Variants in DSCAM observed in about 807,000 individuals in gnomAD.
DSCAM encodes DS cell adhesion molecule.
DSCAM carries 47 observed loss-of-function variants against 217.7 expected under a neutral mutation model. The observed-to-expected ratio is 0.22, with a 90% CI of 0.17 to 0.28. The LOEUF (loss-of-function observed/expected upper bound fraction) is 0.28, where lower values mean the gene tolerates loss of function less well. Ranked by LOEUF, DSCAM falls within the 10% of genes least tolerant of loss-of-function variation. DSCAM has a pLI of 1.00. For synonymous variants in DSCAM, 1,056 were observed against 1,015.3 expected (o/e 1.04, Z -0.76); for missense variants, 2,080 against 2,618.3 (o/e 0.79, Z 4.49).
intron 8 of DSCAM, among the ~76,000 whole-genome samples, chr21:40,328,953 C>G (rs544205187): frequency 6.9e-4 from 104 of 151,820 alleles, no homozygotes; most frequent in African/African-American, 2.4e-3. Flanking sequence ...AAACTAAAAC[C>G]AAAATGAGGT....
At chr21:40,476,740 G>A (rs958863929) in intron 3 of DSCAM, among the ~76,000 whole-genome samples, 1 of 152,048 alleles carries the variant, frequency 6.6e-6, no homozygotes, top group Non-Finnish European at 1.5e-5. Context: ...TTGATGGGAA[G>A]GGCTCAAAAA....
rs576991915 is a variant in DSCAM at position 40,236,648 on chromosome 21, C to T, written c.2356+39449G>A. The stretch of plus-strand genomic sequence containing the variant: ...TCATAGAAGCCTGGGGTCAACTGAG[C>T]CCTAGGCATTAGTTCCCTCATCTTT... On this transcript the variant is annotated intron_variant, in intron 11 of 32. Coordinates refer to ENST00000400454, the MANE Select transcript of DSCAM (RefSeq NM_001389.5). 4.6e-4 allele frequency among the ~76,000 whole-genome samples: 70 copies of T among 152,178 alleles called. 1 individual carries two copies. Among genetic ancestry groups the T allele is most frequent in the African/African-American group, 1.7e-3 (69 of 41,508 alleles).
rs4818144 is a variant in DSCAM, at chr21:40,586,702, C to T, written c.508+106108G>A. ...TGCTGTATATATTTCCAAGAAGGTGCGAGAGGTGTGGACAAAGATCCATGC... is the reference window on the plus strand; with the variant it reads ...TGCTGTATATATTTCCAAGAAGGTGTGAGAGGTGTGGACAAAGATCCATGC... On this transcript the variant is annotated intron_variant, in intron 3 of 32. Coordinates refer to ENST00000400454, the MANE Select transcript of DSCAM (RefSeq NM_001389.5). Among the ~76,000 whole-genome samples the T allele has an allele frequency of 4.0e-3, 608 of 152,024 alleles. 11 individuals are homozygous for T. The South Asian group carries it at 0.041, about 10-fold the overall frequency.
chr21:40,037,060 A>G (rs975382495), intron 32 of DSCAM, among the ~76,000 whole-genome samples: 1 of 150,326 alleles, frequency 6.7e-6, no homozygotes, highest in Non-Finnish European at 1.5e-5. Context: ...AGCCAATATC[A>G]TACTGAATGG....
At chr21:40,825,257 TTTTC>T (rs958141013) in intron 1 of DSCAM, among the ~76,000 whole-genome samples, 3 of 140,740 alleles carry the variant, frequency 2.1e-5, no homozygotes, top group East Asian at 2.4e-4. Context: ...TCAGTGAACA[TTTTC>T]TTTCTTTCCT....
intron 1 of DSCAM, among the ~76,000 whole-genome samples, chr21:40,760,255 A>T (rs2091319551): frequency 6.6e-6 from 1 of 152,044 alleles, no homozygotes; most frequent in Non-Finnish European, 1.5e-5. Flanking sequence ...TGACCTCATG[A>T]TCTGCCCACC....
At chr21:40,326,879 G>A (rs1021024338) in intron 8 of DSCAM, among the ~76,000 whole-genome samples, 8 of 150,564 alleles carry the variant, frequency 5.3e-5, no homozygotes, top group Non-Finnish European at 7.4e-5. Context: ...CTATATATCT[G>A]TAACCACATA....
chr21:40,738,696 G>C (rs1569011423), intron 1 of DSCAM, among the ~76,000 whole-genome samples: 1 of 152,214 alleles, frequency 6.6e-6, no homozygotes, highest in Non-Finnish European at 1.5e-5. Context: ...AGTAGGTCAG[G>C]AATGGGCCCC....
chr21:40,386,828 A>G (rs2075090564), intron 3 of DSCAM, among the ~76,000 whole-genome samples: 1 of 152,054 alleles, frequency 6.6e-6, no homozygotes, highest in Admixed American at 6.6e-5. Flanking sequence ...TTTTAATTTC[A>G]TTTTTGCTTT....
intron 3 of DSCAM, among the ~76,000 whole-genome samples, chr21:40,371,723 T>C (rs1208069365): frequency 6.6e-6 from 1 of 152,196 alleles, no homozygotes; most frequent in Non-Finnish European, 1.5e-5. Flanking sequence ...GAACCTTTGA[T>C]TGTCTTAAGC....
Position 40,013,208 on chromosome 21 carries a change from G to C in DSCAM, c.5865C>G (p.Ser1955=), listed in dbSNP as rs1398199042. ...PIPMEAASSA[S]STREGQSWQP... is the part of the protein sequence containing the mutation. ...GCCACGACTGTCCTTCTCTCGTGGA[G>C]GAGGCGGAGGAGGCGGCTTCCATCG... The change falls in exon 33 of 33, where the codon TCC becomes TCG. Residue 1955 remains serine (S), a synonymous_variant. Coordinates refer to ENST00000400454, the MANE Select transcript of DSCAM (RefSeq NM_001389.5). 6 of 1,613,468 alleles carry C rather than the reference G, an allele frequency of 3.7e-6. No individual in the cohort carries two copies. Among genetic ancestry groups the C allele is most frequent in the Non-Finnish European group, 4.2e-6 (5 of 1,179,788 alleles).
At chr21:40,620,296 G>A (rs866086800) in intron 3 of DSCAM, among the ~76,000 whole-genome samples, 12 of 41,716 alleles carry the variant, frequency 2.9e-4, no homozygotes, top group African/African-American at 6.8e-4. Flanking sequence ...AGAGAAAAAA[G>A]AAAAAGAAAG....
intron 3 of DSCAM, among the ~76,000 whole-genome samples, chr21:40,672,269 G>A (rs1310709815): frequency 2.0e-5 from 3 of 151,910 alleles, no homozygotes; most frequent in African/African-American, 7.3e-5. Context: ...TGCTCTTGGT[G>A]GTCTTTAGTT....
chr21:40,475,244 CT>C (rs1349506107), intron 3 of DSCAM, among the ~76,000 whole-genome samples: 1 of 152,234 alleles, frequency 6.6e-6, no homozygotes, highest in African/African-American at 2.4e-5. Flanking sequence ...CCTTCAAAAT[CT>C]GCTTTTATTT....
Position 40,062,909 on chromosome 21 carries a change from G to A in DSCAM, c.4889-10C>T, listed in dbSNP as rs750153687. ...GCTAAACTCTTTGCATCTGGGGAAA[G>A]AAAGTTAACATTAGTACATGGTAAA... is the stretch of plus-strand genomic sequence containing the variant. On this transcript the variant is annotated splice_polypyrimidine_tract_variant and intron_variant, in intron 27 of 32. Transcript: ENST00000400454. 8 of 1,598,704 alleles carry A rather than the reference G, an allele frequency of 5.0e-6. No homozygotes were observed. Among genetic ancestry groups the A allele is most frequent in the African/African-American group, 1.3e-5 (1 of 74,166 alleles).
At chr21:40,338,026 G>A (rs1293214372) in intron 8 of DSCAM, 75 bp downstream of exon 8, 3 of 1,555,246 alleles carry the variant, frequency 1.9e-6, no homozygotes, top group Non-Finnish European at 2.6e-6. Context: ...TGGATTACCC[G>A]ACTTCAAATC....
chr21:40,387,479 C>T (rs1997540), intron 3 of DSCAM, among the ~76,000 whole-genome samples: 2,725 of 152,194 alleles, frequency 0.018, 24 homozygotes, highest in South Asian at 0.027. Context: ...TTTGTAGTCT[C>T]ACTGTCTCCA....
chr21:40,101,794 G>C (rs753256106), intron 20 of DSCAM, among the ~76,000 whole-genome samples: 11 of 151,960 alleles, frequency 7.2e-5, no homozygotes, highest in South Asian at 6.3e-4. Context: ...GGTGGGGGGG[G>C]GTCCAGGCAG....
At position 40,813,645 on chromosome 21, in the gene DSCAM, G is replaced by GTTT. The variant is rs869088003; in HGVS notation, c.43+32971_43+32973dup. On this transcript the variant is annotated intron_variant, in intron 1 of 32. Transcript: ENST00000400454. ...TTGAGGATTTCTTTCTTTCTTTCTT[G>GTTT]TTTTTTTTTTTTTTTTGGTTGAGAT... 5.9e-3 allele frequency among the ~76,000 whole-genome samples: 749 copies of GTTT among 126,478 alleles called. 7 individuals are homozygous for GTTT. Among genetic ancestry groups the GTTT allele is most frequent in the African/African-American group, 0.02 (701 of 34,572 alleles). 83.0% of individuals were successfully genotyped at this position (126,478 alleles called of 152,430 possible).
Sources: gnomAD v4.1 joint callset for allele counts (sites outside exome capture counted in the v4.1 genomes callset) on GRCh38, gnomAD v4.1.1 for gene constraint, MANE v1.5 for transcripts, NCBI Gene and HGNC (gene_info 2026-07-23, HGNC 2026-07-21) for gene names.